The following ARMC3 variants were observed in gnomAD, a reference collection of about 807,000 sequenced individuals.
The protein encoded by ARMC3 is armadillo repeat containing 3.
A neutral mutation model predicts 90.3 loss-of-function variants in ARMC3; 74 were observed. The observed-to-expected ratio is 0.82, with a 90% CI of 0.68 to 0.99. The LOEUF is 0.99. ARMC3 is among the 50% of genes least tolerant of loss of function. ARMC3 has a pLI of 0.00. For synonymous variants in ARMC3, 334 were observed against 361.8 expected (o/e 0.92, Z 0.87); for missense variants, 958 against 1,042.8 (o/e 0.92, Z 1.12).
chr10:22,968,861 A>G (rs1486233804), intron 8 of ARMC3, among the ~76,000 whole-genome samples: 1 of 152,214 alleles, frequency 6.6e-6, no homozygotes, highest in Non-Finnish European at 1.5e-5. Flanking sequence ...AATCAACACT[A>G]GAGCATTTGT....
chr10:22,935,514 T>A (rs995476808), intron 2 of ARMC3, among the ~76,000 whole-genome samples: 2 of 152,186 alleles, frequency 1.3e-5, no homozygotes, highest in African/African-American at 4.8e-5. Context: ...CTATGGCCAC[T>A]CGAATTGACT....
chr10:22,986,606 A>G (rs1203748995), intron 10 of ARMC3, among the ~76,000 whole-genome samples: 1 of 149,114 alleles, frequency 6.7e-6, no homozygotes, highest in East Asian at 1.9e-4. Flanking sequence ...AAACAAAACA[A>G]AAAACCCAAA....
intron 11 of ARMC3, 89 bp downstream of exon 11, chr10:22,998,486 T>A: frequency 6.7e-7 from 1 of 1,488,432 alleles, no homozygotes; most frequent in East Asian, 2.3e-5. Flanking sequence ...TGATTGAACC[T>A]ACCTGTCATT....
intron 16 of ARMC3, chr10:23,014,203 T>C (rs763594034): frequency 5.2e-6 from 8 of 1,544,076 alleles, no homozygotes; most frequent in African/African-American, 1.4e-5. Context: ...CAACTGGGCC[T>C]TGGTCTTCTG....
chr10:23,002,229 G>C (rs546740545), intron 12 of ARMC3, among the ~76,000 whole-genome samples, 174 bp downstream of exon 12: 81 of 152,344 alleles, frequency 5.3e-4, no homozygotes, highest in Admixed American at 2.0e-3. Context: ...GGAGGCAAGG[G>C]GGTCCCGATT....
chr10:22,957,930 C>G (rs528763448), intron 4 of ARMC3, among the ~76,000 whole-genome samples: 1 of 152,106 alleles, frequency 6.6e-6, no homozygotes, highest in Non-Finnish European at 1.5e-5. Flanking sequence ...GGCATGGTGG[C>G]TCACGCCTAT....
At chr10:22,990,765 A>G (rs1836671895) in intron 10 of ARMC3, among the ~76,000 whole-genome samples, 2 of 152,104 alleles carry the variant, frequency 1.3e-5, no homozygotes, top group Non-Finnish European at 2.9e-5. Flanking sequence ...CAGTGCCTCC[A>G]GGACCCTTAA....
intron 2 of ARMC3, among the ~76,000 whole-genome samples, chr10:22,941,417 A>G (rs1463610977): frequency 6.6e-6 from 1 of 152,172 alleles, no homozygotes; most frequent in East Asian, 1.9e-4. Flanking sequence ...TAAAGGAAGA[A>G]TTTAGTTGAC....
At chr10:23,030,550 G>C (rs533803739) in intron 16 of ARMC3, 46 bp from the exon 17 acceptor site, 72 of 1,567,404 alleles carry the variant, frequency 4.6e-5, no homozygotes, top group Non-Finnish European at 5.9e-5. Context: ...TTGTTTGTTT[G>C]TTTAGCAGAA....
intron 11 of ARMC3, among the ~76,000 whole-genome samples, chr10:22,998,815 C>G (rs1837146263): frequency 1.3e-5 from 2 of 152,184 alleles, no homozygotes; most frequent in Non-Finnish European, 2.9e-5. Context: ...AGTTCACAAG[C>G]ATTATGCCAA....
At position 22,998,178 on chromosome 10, in the gene ARMC3, AT is replaced by A; in HGVS notation, c.1208del (p.Leu403Ter). On this transcript the variant is annotated frameshift_variant, in exon 11 of 19. Coordinates refer to ENST00000298032, the MANE Select transcript of ARMC3 (RefSeq NM_173081.5). LOFTEE classifies it high-confidence loss of function. ...CTGCTGAAGCTGATGGTATTGATCCATTAATAAACCTCCTGTCTAGTAAACG... is the reference window on the plus strand; with the variant it reads ...CTGCTGAAGCTGATGGTATTGATCCATAATAAACCTCCTGTCTAGTAAACG... ...AAAEADGIDPLINLLSSKRDG... is the reference protein window; with the variant it reads ...AAAEADGIDPXINLLSSKRDG... The A allele has an allele frequency of 6.2e-7, 1 of 1,613,982 alleles. No homozygotes were observed. The highest frequency in any genetic ancestry group is 8.5e-7 in the Non-Finnish European group (1 of 1,179,938).
chr10:23,008,474 TC>T (rs1234389434), intron 15 of ARMC3, 100 bp downstream of exon 15: 1 of 716,902 alleles, frequency 1.4e-6, no homozygotes, highest in Non-Finnish European at 2.4e-6. Context: ...TGATTTTTAT[TC>T]TTCTTATGGT....
intron 11 of ARMC3, among the ~76,000 whole-genome samples, chr10:23,000,733 A>G (rs1441504811): frequency 6.6e-6 from 1 of 152,246 alleles, no homozygotes; most frequent in Admixed American, 6.5e-5. Context: ...GTGTGATAAC[A>G]GGTAAGCCCC....
chr10:22,982,716 T>A (rs1836247708), intron 10 of ARMC3, among the ~76,000 whole-genome samples: 1 of 152,214 alleles, frequency 6.6e-6, no homozygotes, highest in African/African-American at 2.4e-5. Flanking sequence ...AAATAATTAT[T>A]TGCCCTGCCT....
chr10:23,036,004 C>T (rs988406626), intron 18 of ARMC3, among the ~76,000 whole-genome samples: 8 of 152,154 alleles, frequency 5.3e-5, no homozygotes, highest in African/African-American at 1.2e-4. Context: ...CAGATGCCCT[C>T]GCTCTCACTT....
chr10:22,951,920 G>C (rs185444012), intron 3 of ARMC3, among the ~76,000 whole-genome samples: 1 of 152,254 alleles, frequency 6.6e-6, no homozygotes, highest in Non-Finnish European at 1.5e-5. Context: ...CATGAGGTCA[G>C]GAGACTGAGA....
In ARMC3 at chr10:22,955,870, C is replaced by A; in HGVS notation, c.230C>A (p.Thr77Asn). Residue 77 changes from threonine (T) to asparagine (N), a missense_variant, in exon 4 of 19, where the codon ACC (threonine) becomes AAC (asparagine). Thr to Asn is a moderately conservative substitution (Grantham distance 65). Transcript: ENST00000298032. ...GAVEPLTKLL[T>N]HEDKIVRRNA... ...GTGGAACCTTTAACTAAGCTACTCA[C>A]CCATGAAGACAAAATTGTAAGAAGA... 6.2e-7 allele frequency: 1 copy of A among 1,613,128 alleles called. No individual in the cohort carries two copies. Among genetic ancestry groups the A allele is most frequent in the Non-Finnish European group, 8.5e-7 (1 of 1,179,160 alleles).
At chr10:22,928,508 A>C (rs1385562946) in intron 1 of ARMC3, among the ~76,000 whole-genome samples, 1 of 152,034 alleles carries the variant, frequency 6.6e-6, no homozygotes, top group Admixed American at 6.6e-5. Context: ...AGGACCAATC[A>C]ACTCGTGAAA....
intron 10 of ARMC3, among the ~76,000 whole-genome samples, chr10:22,982,375 G>T (rs561297756): frequency 6.6e-6 from 1 of 152,142 alleles, no homozygotes; most frequent in African/African-American, 2.4e-5. Flanking sequence ...GCGAGGCTCC[G>T]CTTCAAACAA....
Sources: gnomAD v4.1 joint callset for allele counts (sites outside exome capture counted in the v4.1 genomes callset) on GRCh38, gnomAD v4.1.1 for gene constraint, MANE v1.5 for transcripts, NCBI Gene and HGNC (gene_info 2026-07-23, HGNC 2026-07-21) for gene names.